ZNF487: variants seen among roughly 807,000 people sequenced by gnomAD.
The protein encoded by ZNF487 is KRAB domain only 1.
A neutral mutation model predicts 3.0 loss-of-function variants in ZNF487; 4 were observed. That is an observed-to-expected ratio of 1.35 (90% CI 0.66 to 3.08). ZNF487 has a LOEUF of 3.08. Ranked by LOEUF, ZNF487 falls within the 30% of genes most tolerant of loss-of-function variation. The pLI, the probability that ZNF487 is intolerant of heterozygous loss-of-function variation, is 0.01. For missense variants in ZNF487, 146 were observed against 98.7 expected (o/e 1.48, Z -2.03); for synonymous variants, 55 against 34.6 (o/e 1.59, Z -2.06).
intron 1 of ZNF487, among the ~76,000 whole-genome samples, chr10:43,468,503 A>G (rs761935298): frequency 6.6e-6 from 1 of 151,462 alleles, no homozygotes; most frequent in Non-Finnish European, 1.5e-5. Context: ...AACATGGAGA[A>G]ACCCCGTCTC....
At chr10:43,437,811 T>C (rs933812111) in intron 1 of ZNF487, among the ~76,000 whole-genome samples, 23 of 152,260 alleles carry the variant, frequency 1.5e-4, no homozygotes, top group African/African-American at 5.3e-4. Flanking sequence ...TCTTCCTTCA[T>C]TAGCTTTACT....
intron 1 of ZNF487, among the ~76,000 whole-genome samples, chr10:43,449,335 A>G (rs1839925095): frequency 6.6e-6 from 1 of 152,144 alleles, no homozygotes; most frequent in Non-Finnish European, 1.5e-5. Context: ...AATGGTACTG[A>G]AAAGAGAGAA....
At chr10:43,444,713 C>T (rs559747965) in intron 1 of ZNF487, among the ~76,000 whole-genome samples, 8 of 152,168 alleles carry the variant, frequency 5.3e-5, no homozygotes, top group East Asian at 3.9e-4. Flanking sequence ...GGACCACAGG[C>T]GCACACCACT....
chr10:43,514,806 T>C, the ZNF487 span, among the ~76,000 whole-genome samples: 11 of 152,312 alleles, frequency 7.2e-5, no homozygotes, highest in East Asian at 2.1e-3. Flanking sequence ...GATGCAGGTG[T>C]TGCCCTCACA....
the ZNF487 span, among the ~76,000 whole-genome samples, chr10:43,500,544 G>A: frequency 9.9e-5 from 15 of 152,008 alleles, no homozygotes; most frequent in Admixed American, 7.9e-4. Context: ...CTCAGTCACC[G>A]AGGCTGGAGT....
chr10:43,475,111 G>A (rs1315665167), intron 1 of ZNF487, among the ~76,000 whole-genome samples: 1 of 152,116 alleles, frequency 6.6e-6, no homozygotes, highest in East Asian at 1.9e-4. Flanking sequence ...TCCCTTATCT[G>A]CAGAAAAGCA....
At chr10:43,474,481 C>T (rs1284119142) in intron 1 of ZNF487, among the ~76,000 whole-genome samples, 1 of 152,006 alleles carries the variant, frequency 6.6e-6, no homozygotes, top group Non-Finnish European at 1.5e-5. Flanking sequence ...AGGAGTATTG[C>T]TTGAACCCAG....
chr10:43,510,321 A>G, the ZNF487 span, among the ~76,000 whole-genome samples: 4 of 152,018 alleles, frequency 2.6e-5, no homozygotes, highest in African/African-American at 9.7e-5. Context: ...TGGTGGAGTG[A>G]CCCAAACCTT....
chr10:43,511,385 G>C, the ZNF487 span, among the ~76,000 whole-genome samples: 3 of 152,212 alleles, frequency 2.0e-5, no homozygotes, highest in Admixed American at 6.5e-5. Context: ...TGTGATGGTG[G>C]ATAAGGCATT....
chr10:43,488,994 A>G, the ZNF487 span, among the ~76,000 whole-genome samples: 1 of 152,010 alleles, frequency 6.6e-6, no homozygotes, highest in South Asian at 2.1e-4. Flanking sequence ...ATGGTGGCCT[A>G]TGCGTGTAGT....
chr10:43,453,094 G>A (rs2132065277), intron 1 of ZNF487: 1 of 152,238 alleles, frequency 6.6e-6, no homozygotes, highest in South Asian at 2.1e-4. Context: ...CAGTGTAAAT[G>A]TGATGAGGCC....
intron 1 of ZNF487, among the ~76,000 whole-genome samples, chr10:43,446,099 A>G (rs905363747): frequency 1.2e-4 from 18 of 152,348 alleles, no homozygotes; most frequent in African/African-American, 4.3e-4. Flanking sequence ...ACACAGTAAC[A>G]ATCTGATCTC....
the ZNF487 span, among the ~76,000 whole-genome samples, chr10:43,503,702 C>T: frequency 6.6e-6 from 1 of 152,120 alleles, no homozygotes; most frequent in Non-Finnish European, 1.5e-5. Flanking sequence ...ACTTCCTGGG[C>T]TCAATCGATC....
the ZNF487 span, among the ~76,000 whole-genome samples, chr10:43,505,120 A>G: frequency 6.6e-6 from 1 of 152,044 alleles, no homozygotes; most frequent in African/African-American, 2.4e-5. Context: ...CCTGGGCTCA[A>G]GCGTTCCTCC....
chr10:43,498,988 T>C, the ZNF487 span, among the ~76,000 whole-genome samples: 1 of 152,090 alleles, frequency 6.6e-6, no homozygotes, highest in Non-Finnish European at 1.5e-5. Context: ...AAACATTTCT[T>C]TGGTGAGTAA....
At chr10:43,484,164 C>T (rs1309255436), downstream of ZNF487, among the ~76,000 whole-genome samples, 9 of 152,106 alleles carry the variant, frequency 5.9e-5, no homozygotes, top group Non-Finnish European at 8.8e-5. Context: ...CCACCACACC[C>T]GGCCTTTATT....
chr10:43,499,568 C>T, the ZNF487 span, among the ~76,000 whole-genome samples: 13 of 152,098 alleles, frequency 8.5e-5, no homozygotes, highest in South Asian at 1.0e-3. Context: ...CCTGGGCACA[C>T]GGCAAAACCC....
intron 1 of ZNF487, among the ~76,000 whole-genome samples, chr10:43,474,944 ACAGATTGAATAC>A (rs1223786838): frequency 1.3e-5 from 2 of 151,730 alleles, no homozygotes; most frequent in East Asian, 3.9e-4. Context: ...CTGCCACCTC[ACAGATTGAATAC>A]CAGGCCACCA....
the ZNF487 span, among the ~76,000 whole-genome samples, chr10:43,511,668 G>T: frequency 6.6e-6 from 1 of 152,252 alleles, no homozygotes; most frequent in South Asian, 2.1e-4. Context: ...AGTCCATGTT[G>T]CTGAGCCCAT....
Sources: gnomAD v4.1 joint callset for allele counts (sites outside exome capture counted in the v4.1 genomes callset) on GRCh38, gnomAD v4.1.1 for gene constraint, MANE v1.5 for transcripts, NCBI Gene and HGNC (gene_info 2026-07-23, HGNC 2026-07-21) for gene names.